MFSD6: variants seen among roughly 807,000 people sequenced by gnomAD.
MFSD6 encodes the protein major facilitator superfamily domain containing 6.
Under a neutral mutation model 56.3 loss-of-function variants are expected in MFSD6, and 26 were observed. That is an observed-to-expected ratio of 0.46 (90% CI 0.34 to 0.64). MFSD6 has a LOEUF of 0.64. Ranked by LOEUF, MFSD6 falls within the 30% of genes least tolerant of loss-of-function variation. The probability of loss-of-function intolerance (pLI) is 0.01; values close to 1 mark genes in which losing one functional copy is unlikely to be tolerated. For synonymous variants in MFSD6, 331 were observed against 366.9 expected (o/e 0.90, Z 1.12); for missense variants, 750 against 986.2 (o/e 0.76, Z 3.21).
chr2:190,468,259 A>G (rs188513369), intron 3 of MFSD6, among the ~76,000 whole-genome samples: 3 of 152,290 alleles, frequency 2.0e-5, no homozygotes, highest in Non-Finnish European at 2.9e-5. Flanking sequence ...GACTTTTTGT[A>G]ATACTTCACT....
At chr2:190,429,821 A>G (rs1165896790) in intron 2 of MFSD6, among the ~76,000 whole-genome samples, 2 of 152,120 alleles carry the variant, frequency 1.3e-5, no homozygotes, top group African/African-American at 4.8e-5. Context: ...TCAGATACAT[A>G]TATCTGTGTA....
chr2:190,489,734 G>T lies in MFSD6; in HGVS notation c.1793-34G>T. 2 of 1,582,824 alleles carry T rather than the reference G, an allele frequency of 1.3e-6. No individual in the cohort carries two copies. The highest frequency in any genetic ancestry group is 1.7e-6 in the Non-Finnish European group (2 of 1,156,348). ...AGATGAGCGCTATCTGCATTTCTTG[G>T]AATTACTCTATAGAGTGCTGTTTGT... is the stretch of plus-strand genomic sequence containing the variant. On this transcript the variant is annotated intron_variant, in intron 5 of 7. Coordinates refer to ENST00000392328, the MANE Select transcript of MFSD6 (RefSeq NM_017694.4). This position sits in a 1 kb window ranked among gnomAD's most constrained non-coding sequence, Gnocchi z 6.6.
rs1689121778 is a variant in MFSD6 at position 190,488,129 on chromosome 2, C to T, written c.1631-528C>T. Among the ~76,000 whole-genome samples the T allele has an allele frequency of 1.3e-5, 2 of 152,294 alleles. No homozygotes were observed. The highest frequency in any genetic ancestry group is 4.1e-4 in the South Asian group (2 of 4,824). On this transcript the variant is annotated intron_variant, in intron 4 of 7. Coordinates refer to ENST00000392328, the MANE Select transcript of MFSD6 (RefSeq NM_017694.4). This position sits in a 1 kb window ranked among gnomAD's most constrained non-coding sequence, Gnocchi z 6.4. ...TGTTGGCCAGGATGGTCTCAATCTCCTGACCTCGTGATCCACCCGCCTCGG... is the reference window on the plus strand; with the variant it reads ...TGTTGGCCAGGATGGTCTCAATCTCTTGACCTCGTGATCCACCCGCCTCGG...
intron 2 of MFSD6, among the ~76,000 whole-genome samples, chr2:190,429,448 C>T (rs1685892206): frequency 1.3e-5 from 2 of 152,020 alleles, no homozygotes; most frequent in East Asian, 1.9e-4. Flanking sequence ...GCCTCAGCCT[C>T]CCAAGCAGCT....
chr2:190,435,573 T>G (rs998893965), intron 2 of MFSD6, among the ~76,000 whole-genome samples: 2 of 152,256 alleles, frequency 1.3e-5, no homozygotes, highest in African/African-American at 4.8e-5. Context: ...ACCTTTATTT[T>G]CTAAAGAATC....
chr2:190,476,646 C>T (rs187459515), intron 4 of MFSD6, among the ~76,000 whole-genome samples: 31 of 152,192 alleles, frequency 2.0e-4, no homozygotes, highest in African/African-American at 6.5e-4. Context: ...GTCAGTGTGG[C>T]GATTCCTCAG....
chr2:190,448,516 GA>G (rs1448724921), intron 3 of MFSD6, among the ~76,000 whole-genome samples: 2 of 152,202 alleles, frequency 1.3e-5, no homozygotes, highest in Non-Finnish European at 2.9e-5. Context: ...TGCCAACATG[GA>G]AAGCTGTCAA....
chr2:190,442,291 C>T (rs1165589853), intron 3 of MFSD6, among the ~76,000 whole-genome samples: 1 of 151,964 alleles, frequency 6.6e-6, no homozygotes, highest in African/African-American at 2.4e-5. Flanking sequence ...TATTTAGGCC[C>T]AAAGAGCCTC....
rs1188042150 is a variant in MFSD6, at chr2:190,439,737, C to T, written c.1532+2176C>T. ...GAAGATGGCTGTTATGGTCATATTG[C>T]TCCCAAGAGTCTGTGGGAATTCCAT... On this transcript the variant is annotated intron_variant, in intron 3 of 7. Coordinates refer to ENST00000392328, the MANE Select transcript of MFSD6 (RefSeq NM_017694.4). This position sits in a 1 kb window ranked among gnomAD's most constrained non-coding sequence, Gnocchi z 5.8. 6.6e-6 allele frequency among the ~76,000 whole-genome samples: 1 copy of T among 152,234 alleles called. No homozygotes were observed. The highest frequency in any genetic ancestry group is 2.4e-5 in the African/African-American group (1 of 41,458).
chr2:190,490,436 G>A lies in MFSD6; in HGVS notation c.1891+570G>A, dbSNP rs528036077. Among the ~76,000 whole-genome samples the A allele has an allele frequency of 6.6e-5, 10 of 152,046 alleles. No individual in the cohort carries two copies. The highest frequency in any genetic ancestry group is 2.1e-4 in the South Asian group (1 of 4,808). ...AAATTAGCCGGGCACGGTGGTGGGC[G>A]CCTGTAATCCCAGCTACTCAGGAGG... On this transcript the variant is annotated intron_variant, in intron 6 of 7. Transcript: ENST00000392328. This position sits in a 1 kb window ranked among gnomAD's most constrained non-coding sequence, Gnocchi z 4.5.
rs764530988 is a variant in MFSD6, at chr2:190,469,978, G to A, written c.1630+123G>A. ...CAGGCCTACTGTTTCATGTGATTTT[G>A]AAGTGGTTGTTAAGGAAGAGATGAC... On this transcript the variant is annotated intron_variant, in intron 4 of 7. Transcript: ENST00000392328. This position sits in a 1 kb window ranked among gnomAD's most constrained non-coding sequence, Gnocchi z 5.3. 28 of 657,730 alleles carry A rather than the reference G, an allele frequency of 4.3e-5. No homozygotes were observed. Among genetic ancestry groups the A allele is most frequent in the Non-Finnish European group, 3.1e-5 (12 of 391,902 alleles). 40.7% of individuals were successfully genotyped at this position (657,730 alleles called of 1,614,324 possible). A position where few individuals can be genotyped will look rare whatever the true frequency, so the allele number is the denominator to read the frequency against.
chr2:190,447,311 T>C lies in MFSD6; in HGVS notation c.1532+9750T>C, dbSNP rs916722526. Among the ~76,000 whole-genome samples the C allele has an allele frequency of 6.6e-6, 1 of 152,182 alleles. No individual in the cohort carries two copies. Among genetic ancestry groups the C allele is most frequent in the African/African-American group, 2.4e-5 (1 of 41,434 alleles). On this transcript the variant is annotated intron_variant, in intron 3 of 7. Coordinates refer to ENST00000392328, the MANE Select transcript of MFSD6 (RefSeq NM_017694.4). The surrounding 1 kb of genome is among the most constrained non-coding windows in gnomAD (Gnocchi z 4.5). ...CTGGCAATGTTCTGTTAGACATGAG[T>C]GATTGAGCGAAACTGTGAGGTTAGG...
chr2:190,490,097 GTT>G lies in MFSD6; in HGVS notation c.1891+234_1891+235del, dbSNP rs75292702. ...GGGTTTTCTTGTTTTTTGTTTGTTT[GTT>G]TTCTTTTATAATACAAGGTACTAGG... On this transcript the variant is annotated intron_variant, in intron 6 of 7. Coordinates refer to ENST00000392328, the MANE Select transcript of MFSD6 (RefSeq NM_017694.4). The surrounding 1 kb of genome is among the most constrained non-coding windows in gnomAD (Gnocchi z 4.5). Among the ~76,000 whole-genome samples the G allele has an allele frequency of 0.23, 34,200 of 151,854 alleles. 4,923 individuals are homozygous for G. Among genetic ancestry groups the G allele is most frequent in the South Asian group, 0.33 (1,576 of 4,808 alleles).
intron 2 of MFSD6, among the ~76,000 whole-genome samples, chr2:190,430,658 C>T (rs1196632686): frequency 2.6e-5 from 4 of 151,800 alleles, no homozygotes. Context: ...CCCCACCTTT[C>T]CCCCTTTTCT....
rs556175847 is a variant in MFSD6 at position 190,501,061 on chromosome 2, A to G, written c.*843A>G. 2.6e-5 allele frequency: 4 copies of G among 152,356 alleles called. No homozygotes were observed. Among genetic ancestry groups the G allele is most frequent in the Admixed American group, 6.5e-5 (1 of 15,300 alleles). The allele number at this position is 152,356 out of a possible 1,614,324, so 9.4% of individuals were successfully genotyped here. Reference sequence around the variant, plus strand: ...TAAATAGCCTCTCTCGCTATTTACTATCTTATAGTAATTCAGGCTCTAATT... The same window carrying G: ...TAAATAGCCTCTCTCGCTATTTACTGTCTTATAGTAATTCAGGCTCTAATT... On this transcript the variant is annotated 3_prime_UTR_variant, in exon 8 of 8. Transcript: ENST00000392328.
At chr2:190,470,905 A>G (rs562332799) in intron 4 of MFSD6, among the ~76,000 whole-genome samples, 57 of 151,768 alleles carry the variant, frequency 3.8e-4, no homozygotes, top group African/African-American at 1.3e-3. Flanking sequence ...AAATTCAAGT[A>G]TATATATATA....
At chr2:190,449,722 G>A (rs1212555576) in intron 3 of MFSD6, among the ~76,000 whole-genome samples, 1 of 152,092 alleles carries the variant, frequency 6.6e-6, no homozygotes, top group Non-Finnish European at 1.5e-5. Context: ...TAGGGACATG[G>A]ATGAAATTGG....
At position 190,488,716 on chromosome 2, in the gene MFSD6, CCT is replaced by C. The variant is rs1559140764; in HGVS notation, c.1691_1692del (p.Pro564ArgfsTer64). 1 of 1,608,302 alleles carries C rather than the reference CCT, an allele frequency of 6.2e-7. No homozygotes were observed. The highest frequency in any genetic ancestry group is 8.5e-7 in the Non-Finnish European group (1 of 1,177,404). On this transcript the variant is annotated frameshift_variant, in exon 5 of 8. Transcript: ENST00000392328. LOFTEE classifies it high-confidence loss of function. This position sits in a 1 kb window ranked among gnomAD's most constrained non-coding sequence, Gnocchi z 6.4. ...TTCTTACCTCAGTGCAGCCGTTCCC[CCT>C]GAGCTGAGGACATCTGCTCAGGGCA... ...CISYLSAAVPPELRTSAQGIL... is the reference protein window; with the variant it reads ...CISYLSAAVPXELRTSAQGIL...
intron 2 of MFSD6, among the ~76,000 whole-genome samples, chr2:190,420,573 T>G (rs1390881182): frequency 6.6e-6 from 1 of 152,204 alleles, no homozygotes; most frequent in African/African-American, 2.4e-5. Flanking sequence ...ATAAACAGAT[T>G]GTCTCATCCA....
Sources: gnomAD v4.1 joint callset for allele counts (sites outside exome capture counted in the v4.1 genomes callset) on GRCh38, gnomAD v4.1.1 for gene constraint, Gnocchi (gnomAD v3.1) non-coding constraint, MANE v1.5 for transcripts, NCBI Gene and HGNC (gene_info 2026-07-23, HGNC 2026-07-21) for gene names.